POLK: variants seen among roughly 807,000 people sequenced by gnomAD.
POLK encodes the protein DNA polymerase kappa.
POLK carries 76 observed loss-of-function variants against 94.0 expected under a neutral mutation model. The ratio of observed to expected loss-of-function variants is 0.81; its 90% confidence interval spans 0.67 to 0.98. The LOEUF is 0.98. POLK is among the 50% of genes least tolerant of loss of function. The pLI, the probability that POLK is intolerant of heterozygous loss-of-function variation, is 0.00. For missense variants in POLK, 954 were observed against 1,010.1 expected, an observed-to-expected ratio of 0.94 and a Z score of 0.75; for synonymous variants, 349 against 325.4, an observed-to-expected ratio of 1.07 and a Z score of -0.78.
chr5:75,563,741 G>A (rs1003910660), intron 3 of POLK, among the ~76,000 whole-genome samples: 1 of 152,142 alleles, frequency 6.6e-6, no homozygotes, highest in Non-Finnish European at 1.5e-5. Context: ...GTTCTAATTT[G>A]ATTGCGCTGT....
intron 12 of POLK, among the ~76,000 whole-genome samples, chr5:75,595,818 C>T (rs1320383168): frequency 1.3e-5 from 2 of 151,960 alleles, no homozygotes; most frequent in African/African-American, 2.4e-5. Flanking sequence ...GAGGGGTGTG[C>T]ATGTGTAGGG....
intron 1 of POLK, among the ~76,000 whole-genome samples, chr5:75,542,368 CTT>C (rs1769781728): frequency 6.6e-6 from 1 of 151,842 alleles, no homozygotes; most frequent in Admixed American, 6.6e-5. Context: ...CCCCTTCTCT[CTT>C]ATTACTTTTG....
Position 75,590,333 on chromosome 5 carries a change from T to TGTCTTTC in POLK, c.1260-10_1260-4dup, listed in dbSNP as rs1432715063. The TGTCTTTC allele has an allele frequency of 6.7e-7, 1 of 1,498,432 alleles. No individual in the cohort carries two copies. The highest frequency in any genetic ancestry group is 9.1e-7 in the Non-Finnish European group (1 of 1,096,252). The allele number at this position is 1,498,432 out of a possible 1,614,324, so 92.8% of individuals were successfully genotyped here. The stretch of plus-strand genomic sequence containing the variant: ...TTACTTTGTGCGCCAAAATTATTCT[T>TGTCTTTC]GTCTTTCTAGGACATTCAGTGAGAT... On this transcript the variant is annotated splice_polypyrimidine_tract_variant and intron_variant, in intron 10 of 14. Transcript: ENST00000241436.
chr5:75,577,667 C>T (rs1024163029), intron 6 of POLK, among the ~76,000 whole-genome samples: 1 of 152,316 alleles, frequency 6.6e-6, no homozygotes, highest in South Asian at 2.1e-4. Flanking sequence ...ATGTGCACCA[C>T]TCATTGCTTC....
chr5:75,522,309 T>C (rs572320312), intron 1 of POLK, among the ~76,000 whole-genome samples: 60 of 152,348 alleles, frequency 3.9e-4, no homozygotes, highest in Non-Finnish European at 7.3e-4. Flanking sequence ...TTTTTCTGTC[T>C]GCTTGGAGTC....
rs190784378 is a variant in POLK, at chr5:75,568,877, A to G, written c.256-463A>G. On this transcript the variant is annotated intron_variant, in intron 3 of 14. Coordinates refer to ENST00000241436, the Ensembl canonical transcript of POLK. Reference sequence around the variant, plus strand: ...AATGTCAGTTGTTTATTTTACTTACATTGAAGCTTTTAGTTATAGTGAGTT... The same window carrying G: ...AATGTCAGTTGTTTATTTTACTTACGTTGAAGCTTTTAGTTATAGTGAGTT... The G allele has an allele frequency of 1.1e-3, 239 of 224,622 alleles. 3 individuals are homozygous for G. In the East Asian group the frequency reaches 0.027, roughly 25 times the overall value. The allele number at this position is 224,622 out of a possible 1,614,324, so 13.9% of individuals were successfully genotyped here. A position where few individuals can be genotyped will look rare whatever the true frequency, so the allele number is the denominator to read the frequency against.
At chr5:75,512,067 C>T (rs1358091127) in intron 1 of POLK, 153 bp downstream of exon 1, 1 of 353,742 alleles carries the variant, frequency 2.8e-6, no homozygotes, top group Non-Finnish European at 5.2e-6. Context: ...CGGGCCCAGA[C>T]GTGAGAGAGC....
intron 1 of POLK, among the ~76,000 whole-genome samples, chr5:75,535,358 C>A (rs1769389653): frequency 1.3e-5 from 2 of 151,762 alleles, no homozygotes; most frequent in East Asian, 3.9e-4. Context: ...TTGTAGGTGC[C>A]CTCCCTCTTC....
intron 1 of POLK, among the ~76,000 whole-genome samples, chr5:75,541,403 C>T (rs1054055005): frequency 6.6e-6 from 1 of 152,032 alleles, no homozygotes; most frequent in Non-Finnish European, 1.5e-5. Context: ...TTCATCCTGT[C>T]GAAAGAAGAT....
At chr5:75,540,579 C>T (rs978882348) in intron 1 of POLK, among the ~76,000 whole-genome samples, 3 of 152,080 alleles carry the variant, frequency 2.0e-5, no homozygotes, top group African/African-American at 7.2e-5. Flanking sequence ...AATCACAACC[C>T]TGAGCCACTG....
At chr5:75,567,801 A>G (rs931540675) in intron 3 of POLK, among the ~76,000 whole-genome samples, 2 of 152,212 alleles carry the variant, frequency 1.3e-5, no homozygotes, top group Non-Finnish European at 2.9e-5. Flanking sequence ...GAGCTTGGAA[A>G]GGCACTCTAG....
intron 6 of POLK, among the ~76,000 whole-genome samples, chr5:75,577,282 T>C (rs1156739629): frequency 6.6e-6 from 1 of 152,218 alleles, no homozygotes; most frequent in Non-Finnish European, 1.5e-5. Flanking sequence ...CGGCCTTTTC[T>C]TGTTGTTAGA....
intron 1 of POLK, among the ~76,000 whole-genome samples, chr5:75,539,836 C>T (rs753971825): frequency 6.7e-4 from 102 of 152,192 alleles, no homozygotes; most frequent in Non-Finnish European, 1.1e-3. Context: ...TGTAGGTTAC[C>T]CATTTATTCT....
At chr5:75,589,532 G>A (rs965386898) in intron 10 of POLK, among the ~76,000 whole-genome samples, 2 of 151,726 alleles carry the variant, frequency 1.3e-5, no homozygotes, top group African/African-American at 4.8e-5. Flanking sequence ...TTCACTGCAA[G>A]CTCCGCCTCC....
chr5:75,520,582 A>C (rs1768524442), intron 1 of POLK, among the ~76,000 whole-genome samples: 1 of 152,112 alleles, frequency 6.6e-6, no homozygotes, highest in South Asian at 2.1e-4. Context: ...AATTTTTTTT[A>C]GAGATAAGGT....
At chr5:75,597,712 C>T (rs1207452479) in intron 13 of POLK, 35 bp from the exon 14 acceptor site, 2 of 1,225,330 alleles carry the variant, frequency 1.6e-6, no homozygotes, top group African/African-American at 1.6e-5. Context: ...TCATATTATT[C>T]ATTATGGAAT....
chr5:75,582,164 C>T, intron 7 of POLK: 1 of 984,876 alleles, frequency 1.0e-6, no homozygotes, highest in Non-Finnish European at 1.2e-6. Context: ...CATAGCAATC[C>T]AGAACAATCT....
intron 1 of POLK, chr5:75,534,684 G>T (rs1769360594): frequency 6.6e-6 from 1 of 152,176 alleles, no homozygotes; most frequent in Non-Finnish European, 1.5e-5. Flanking sequence ...ATTTAGAAAA[G>T]TTAGGTCCTT....
chr5:75,514,506 A>G (rs1285678762), intron 1 of POLK, among the ~76,000 whole-genome samples: 3 of 152,214 alleles, frequency 2.0e-5, no homozygotes, highest in Non-Finnish European at 4.4e-5. Context: ...AATGTCAAAC[A>G]TTGTTTTAGG....
Sources: gnomAD v4.1 joint callset for allele counts (sites outside exome capture counted in the v4.1 genomes callset) on GRCh38, gnomAD v4.1.1 for gene constraint, MANE v1.5 for transcripts, NCBI Gene and HGNC (gene_info 2026-07-23, HGNC 2026-07-21) for gene names.